The following LSAMP variants were observed in gnomAD, a reference collection of about 807,000 sequenced individuals.
The protein encoded by LSAMP is limbic system-associated membrane protein.
In LSAMP, 7 loss-of-function variants were observed where a neutral mutation model predicts 38.6. That is an observed-to-expected ratio of 0.18 (90% CI 0.10 to 0.34). LSAMP has a LOEUF of 0.34. Ranked by LOEUF, LSAMP falls within the 10% of genes least tolerant of loss-of-function variation. LSAMP has a pLI of 1.00. For missense variants in LSAMP, 313 were observed against 420.0 expected, an observed-to-expected ratio of 0.75 and a Z score of 2.23; for synonymous variants, 154 against 166.8, an observed-to-expected ratio of 0.92 and a Z score of 0.59.
chr3:115,993,581 T>C (rs1326728643), intron 3 of LSAMP, among the ~76,000 whole-genome samples: 1 of 152,100 alleles, frequency 6.6e-6, no homozygotes, highest in African/African-American at 2.4e-5. Flanking sequence ...AATTTGATTA[T>C]TTTTGTGATA....
rs559684873 is a variant in LSAMP at position 116,373,108 on chromosome 3, A to G, written c.155+71769T>C. Among the ~76,000 whole-genome samples the G allele has an allele frequency of 8.6e-5, 13 of 151,722 alleles. No individual in the cohort carries two copies. The South Asian group carries it at 2.5e-3, about 29-fold the overall frequency. ...AATTGAAAGCATAATCTAAAAATAT[A>G]TTTGTATACCCACGTTAATAGCATT... On this transcript the variant is annotated intron_variant, in intron 1 of 6. Transcript: ENST00000490035.
intron 3 of LSAMP, among the ~76,000 whole-genome samples, chr3:115,905,924 A>G (rs909838181): frequency 2.0e-5 from 3 of 152,072 alleles, no homozygotes; most frequent in African/African-American, 7.2e-5. Flanking sequence ...GAGACTGCTG[A>G]AGAAGTGGGA....
intron 3 of LSAMP, among the ~76,000 whole-genome samples, chr3:115,883,818 G>A (rs890780253): frequency 4.6e-5 from 7 of 151,884 alleles, no homozygotes; most frequent in Admixed American, 6.6e-5. Flanking sequence ...TGGCACAGAT[G>A]GCTAAAGGTA....
intron 2 of LSAMP, among the ~76,000 whole-genome samples, chr3:116,046,725 CT>C (rs1941297094): frequency 6.6e-6 from 1 of 152,172 alleles, no homozygotes; most frequent in South Asian, 2.1e-4. Context: ...TAGTCTGATC[CT>C]TTCTTGCATT....
At chr3:116,209,822 G>T (rs544262853) in intron 1 of LSAMP, among the ~76,000 whole-genome samples, 1 of 151,998 alleles carries the variant, frequency 6.6e-6, no homozygotes, top group African/African-American at 2.4e-5. Context: ...CACGATCTCC[G>T]CTCACTGCAA....
At chr3:116,158,092 G>A (rs1020729693) in intron 1 of LSAMP, among the ~76,000 whole-genome samples, 31 of 151,856 alleles carry the variant, frequency 2.0e-4, no homozygotes, top group Admixed American at 2.6e-4. Context: ...AAAACAGAAC[G>A]AAAACAACAA....
chr3:116,078,006 T>C (rs1308160778), intron 2 of LSAMP, among the ~76,000 whole-genome samples: 1 of 152,240 alleles, frequency 6.6e-6, no homozygotes, highest in African/African-American at 2.4e-5. Context: ...CCGTTACTAG[T>C]AGTGTTAACT....
intron 1 of LSAMP, among the ~76,000 whole-genome samples, chr3:116,276,609 A>T (rs2047055008): frequency 6.6e-6 from 1 of 151,668 alleles, no homozygotes; most frequent in African/African-American, 2.4e-5. Flanking sequence ...CCAAAATCTC[A>T]CACATCACCA....
chr3:116,388,231 G>A (rs955554521), intron 1 of LSAMP, among the ~76,000 whole-genome samples: 1 of 152,138 alleles, frequency 6.6e-6, no homozygotes, highest in Non-Finnish European at 1.5e-5. Context: ...GAAGTCATTA[G>A]CAATATGCAT....
chr3:116,324,277 G>T (rs1437324785), intron 1 of LSAMP, among the ~76,000 whole-genome samples: 1 of 152,172 alleles, frequency 6.6e-6, no homozygotes, highest in Non-Finnish European at 1.5e-5. Flanking sequence ...ATGTTGTGAT[G>T]TCTAATGCAG....
chr3:116,439,968 G>A (rs927986419), intron 1 of LSAMP, among the ~76,000 whole-genome samples: 1 of 152,184 alleles, frequency 6.6e-6, no homozygotes, highest in South Asian at 2.1e-4. Context: ...TGATCCCCCC[G>A]CCTCAGCCTC....
intron 1 of LSAMP, among the ~76,000 whole-genome samples, chr3:116,161,690 C>T (rs984623109): frequency 6.6e-6 from 1 of 152,116 alleles, no homozygotes; most frequent in Non-Finnish European, 1.5e-5. Flanking sequence ...TCCAAACTGT[C>T]TACAGATGGG....
chr3:116,019,385 G>T, intron 3 of LSAMP, 130 bp downstream of exon 3: 1 of 1,139,250 alleles, frequency 8.8e-7, no homozygotes, highest in Non-Finnish European at 1.2e-6. Context: ...ATAGATGCAT[G>T]ACCTTCTGAT....
intron 1 of LSAMP, among the ~76,000 whole-genome samples, chr3:116,321,263 C>G (rs368273550): frequency 3.3e-5 from 5 of 152,184 alleles, no homozygotes; most frequent in East Asian, 3.9e-4. Context: ...GTCCCAGCTA[C>G]TTGGGAGGCT....
At chr3:115,816,612 AC>A in intron 6 of LSAMP, 3 of 1,287,268 alleles carry the variant, frequency 2.3e-6, no homozygotes, top group Non-Finnish European at 2.0e-6. Context: ...TAAGAACCAT[AC>A]CTTTTTGCTT....
At chr3:116,047,374 TAAAA>T (rs71616339) in intron 2 of LSAMP, among the ~76,000 whole-genome samples, 29 of 132,398 alleles carry the variant, frequency 2.2e-4, no homozygotes, top group Admixed American at 9.0e-4. Context: ...GAATCTAGTC[TAAAA>T]AAAAAAAAAA....
chr3:116,274,032 C>T (rs1458863879), intron 1 of LSAMP, among the ~76,000 whole-genome samples: 5 of 150,746 alleles, frequency 3.3e-5, no homozygotes, highest in Non-Finnish European at 7.4e-5. Context: ...TCTGTGTTCT[C>T]ATTAAATGTT....
rs1170325465 is a variant in LSAMP at position 115,930,002 on chromosome 3, G to GTTTTTTTTTTTTTTTTTTT, written c.515-77404_515-77386dup. Reference sequence around the variant, plus strand: ...ATCCAGATCTATAAATTTAGCAGAAGTTTTTTTTTTTTTTTTTTTTTTTTG... The same window carrying GTTTTTTTTTTTTTTTTTTT: ...ATCCAGATCTATAAATTTAGCAGAAGTTTTTTTTTTTTTTTTTTTTTTTTTTTTTTTTTTTTTTTTTTTG... On this transcript the variant is annotated intron_variant, in intron 3 of 6. Coordinates refer to ENST00000490035, the MANE Select transcript of LSAMP (RefSeq NM_002338.5). Among the ~76,000 whole-genome samples the GTTTTTTTTTTTTTTTTTTT allele has an allele frequency of 1.1e-4, 9 of 80,294 alleles. 1 individual carries two copies. The highest frequency in any genetic ancestry group is 1.4e-4 in the African/African-American group (3 of 21,038). 52.7% of individuals were successfully genotyped at this position (80,294 alleles called of 152,430 possible). A position where few individuals can be genotyped will look rare whatever the true frequency, so the allele number is the denominator to read the frequency against.
At chr3:115,965,428 T>A (rs1440591012) in intron 3 of LSAMP, among the ~76,000 whole-genome samples, 2 of 151,818 alleles carry the variant, frequency 1.3e-5, no homozygotes, top group Non-Finnish European at 2.9e-5. Context: ...GAAGAAATCA[T>A]AGGAATATCT....
Sources: allele counts gnomAD v4.1 joint callset (sites outside exome capture counted in the v4.1 genomes callset), GRCh38; gene constraint gnomAD v4.1.1; transcripts MANE v1.5; gene names NCBI Gene and HGNC (gene_info 2026-07-23, HGNC 2026-07-21).